Variants in SLC36A1 observed in about 807,000 individuals in gnomAD.
SLC36A1 encodes the protein proton-coupled amino acid transporter 1.
Under a neutral mutation model 47.5 loss-of-function variants are expected in SLC36A1, and 30 were observed. That is an observed-to-expected ratio of 0.63 (90% CI 0.47 to 0.86). SLC36A1 has a LOEUF of 0.86. Among genes scored for constraint, SLC36A1 ranks in the 40% least tolerant of loss-of-function variants. SLC36A1 has a pLI of 0.00. For missense variants in SLC36A1, 517 were observed against 606.0 expected (o/e 0.85, Z 1.54); for synonymous variants, 255 against 249.7 (o/e 1.02, Z -0.20).
At chr5:151,481,267 G>T (rs2127536069) in intron 10 of SLC36A1, among the ~76,000 whole-genome samples, 1 of 152,266 alleles carries the variant, frequency 6.6e-6, no homozygotes, top group East Asian at 1.9e-4. Flanking sequence ...TCTGTGATCT[G>T]TTGTGACTTA....
the SLC36A1 span, among the ~76,000 whole-genome samples, chr5:151,385,312 G>A: frequency 1.3e-5 from 2 of 152,142 alleles, no homozygotes; most frequent in African/African-American, 4.8e-5. Flanking sequence ...GCTGTTTTCT[G>A]GGCATGGCCC....
At chr5:151,473,199 T>C (rs1200064240) in intron 7 of SLC36A1, among the ~76,000 whole-genome samples, 1 of 150,984 alleles carries the variant, frequency 6.6e-6, no homozygotes, top group African/African-American at 2.4e-5. Flanking sequence ...GATAGATAGA[T>C]AGATAGATAG....
the SLC36A1 span, among the ~76,000 whole-genome samples, chr5:151,541,742 C>A: frequency 5.7e-4 from 87 of 152,342 alleles, no homozygotes; most frequent in African/African-American, 1.9e-3. Context: ...CTGAAGCAAG[C>A]ACAAGAGTGT....
chr5:151,394,841 C>T, the SLC36A1 span, among the ~76,000 whole-genome samples: 19 of 152,342 alleles, frequency 1.2e-4, no homozygotes, highest in Admixed American at 2.6e-4. Flanking sequence ...TTAGGCTACT[C>T]GGGGGTCAGG....
the SLC36A1 span, among the ~76,000 whole-genome samples, chr5:151,503,228 A>C: frequency 1.4e-5 from 2 of 147,956 alleles, no homozygotes; most frequent in Non-Finnish European, 2.9e-5. Context: ...TATGGACTGT[A>C]GGTGATAATG....
At chr5:151,539,929 A>C in the SLC36A1 span, among the ~76,000 whole-genome samples, 1 of 152,202 alleles carries the variant, frequency 6.6e-6, no homozygotes, top group African/African-American at 2.4e-5. Flanking sequence ...ACAAGTGAAG[A>C]AGGGCATCTC....
At chr5:151,380,438 A>G in the SLC36A1 span, 14 of 416,854 alleles carry the variant, frequency 3.4e-5, no homozygotes, top group Non-Finnish European at 5.3e-5. Context: ...AAGAATGGAT[A>G]CTGTAGCTCA....
the SLC36A1 span, among the ~76,000 whole-genome samples, chr5:151,388,416 G>A: frequency 6.8e-6 from 1 of 146,486 alleles, no homozygotes; most frequent in Non-Finnish European, 1.5e-5. Context: ...CAGGAGAATC[G>A]CTTGAATCTG....
chr5:151,534,473 AGCC>A, the SLC36A1 span: 2 of 1,614,016 alleles, frequency 1.2e-6, no homozygotes, highest in Non-Finnish European at 1.7e-6. Context: ...TGTCGAAGAC[AGCC>A]ACAGCACAGT....
the SLC36A1 span, among the ~76,000 whole-genome samples, chr5:151,369,621 C>A: frequency 5.9e-5 from 9 of 152,230 alleles, no homozygotes; most frequent in Non-Finnish European, 1.2e-4. Context: ...GACCTACAGG[C>A]AGGCACACAC....
the SLC36A1 span, among the ~76,000 whole-genome samples, chr5:151,416,676 T>A: frequency 6.6e-6 from 1 of 152,188 alleles, no homozygotes; most frequent in Non-Finnish European, 1.5e-5. Context: ...GTCCCCTGGC[T>A]GCGGAGATAG....
At chr5:151,434,964 C>T (rs1190738783), upstream of SLC36A1, among the ~76,000 whole-genome samples, 1 of 152,178 alleles carries the variant, frequency 6.6e-6, no homozygotes, top group Non-Finnish European at 1.5e-5. Flanking sequence ...TCAAATCAGA[C>T]TCGCAGAAGA....
At chr5:151,404,198 G>A in the SLC36A1 span, among the ~76,000 whole-genome samples, 1 of 152,048 alleles carries the variant, frequency 6.6e-6, no homozygotes, top group Non-Finnish European at 1.5e-5. Flanking sequence ...ACTGCTGTTG[G>A]TTTTAAGTCT....
chr5:151,388,046 GA>G, the SLC36A1 span, among the ~76,000 whole-genome samples: 1 of 152,164 alleles, frequency 6.6e-6, no homozygotes, highest in Non-Finnish European at 1.5e-5. Context: ...TCTTGCAGGG[GA>G]AAAAAGTCTA....
the SLC36A1 span, among the ~76,000 whole-genome samples, chr5:151,506,600 G>A: frequency 6.6e-6 from 1 of 152,244 alleles, no homozygotes; most frequent in African/African-American, 2.4e-5. Flanking sequence ...GTTAGAACAA[G>A]TCACTGCATC....
chr5:151,460,132 T>A (rs1755290052), intron 2 of SLC36A1, among the ~76,000 whole-genome samples: 1 of 152,086 alleles, frequency 6.6e-6, no homozygotes, highest in Non-Finnish European at 1.5e-5. Flanking sequence ...CCTCCAACCT[T>A]ATCAGCATTG....
chr5:151,381,199 T>C, the SLC36A1 span: 9 of 400,324 alleles, frequency 2.2e-5, no homozygotes, highest in Non-Finnish European at 4.4e-5. Context: ...TGCTAGCCCA[T>C]GGACTATATG....
In SLC36A1 at chr5:151,463,661, T is replaced by A; in HGVS notation, c.234+18T>A. 1 of 1,599,122 alleles carries A rather than the reference T, an allele frequency of 6.3e-7. No individual in the cohort carries two copies. Among genetic ancestry groups the A allele is most frequent in the Non-Finnish European group, 8.6e-7 (1 of 1,166,628 alleles). On this transcript the variant is annotated intron_variant, in intron 3 of 10. Coordinates refer to ENST00000243389, the MANE Select transcript of SLC36A1 (RefSeq NM_078483.4). ...GCATCGTGGTAAGGGTCTGCATCAG[T>A]GGAGAGGAGTGGTGACAAATTTTAG...
chr5:151,483,003 C>T (rs557972047), intron 10 of SLC36A1, among the ~76,000 whole-genome samples: 4 of 152,132 alleles, frequency 2.6e-5, no homozygotes, highest in South Asian at 2.1e-4. Flanking sequence ...CGCCACTGCA[C>T]TCCAGCCTAG....
Sources: gnomAD v4.1 joint callset for allele counts (sites outside exome capture counted in the v4.1 genomes callset) on GRCh38, gnomAD v4.1.1 for gene constraint, MANE v1.5 for transcripts, NCBI Gene and HGNC (gene_info 2026-07-23, HGNC 2026-07-21) for gene names.